Variants in UTRN observed in about 807,000 individuals in gnomAD.
UTRN encodes the protein dystrophin-related protein 1.
Under a neutral mutation model 463.9 loss-of-function variants are expected in UTRN, and 283 were observed. The ratio of observed to expected loss-of-function variants is 0.61; its 90% CI spans 0.55 to 0.67. The LOEUF (loss-of-function observed/expected upper bound fraction) is 0.67. Among genes scored for constraint, UTRN ranks in the 30% least tolerant of loss-of-function variants. The probability of loss-of-function intolerance (pLI) is 0.00; values close to 1 mark genes in which losing one functional copy is unlikely to be tolerated. For synonymous variants in UTRN, 1,442 were observed against 1,431.5 expected, an observed-to-expected ratio of 1.01 and a Z score of -0.17; for missense variants, 3,922 against 4,084.3, an observed-to-expected ratio of 0.96 and a Z score of 1.08.
intron 2 of UTRN, among the ~76,000 whole-genome samples, chr6:144,350,311 A>T (rs1289875802): frequency 6.6e-6 from 1 of 151,910 alleles, no homozygotes; most frequent in Non-Finnish European, 1.5e-5. Context: ...GAAAACTGTC[A>T]TTTCCTTCCT....
intron 71 of UTRN, among the ~76,000 whole-genome samples, chr6:144,838,382 A>T (rs979991852): frequency 2.7e-5 from 4 of 148,704 alleles, no homozygotes; most frequent in Non-Finnish European, 6.0e-5. Flanking sequence ...GGAAAATTCA[A>T]CTCTAATAGT....
At chr6:144,802,732 A>G (rs1356471196) in intron 64 of UTRN, among the ~76,000 whole-genome samples, 1 of 152,176 alleles carries the variant, frequency 6.6e-6, no homozygotes, top group Non-Finnish European at 1.5e-5. Flanking sequence ...TTGTGAGGGA[A>G]TTTTAAAATT....
At chr6:144,314,893 T>C (rs530434254) in intron 2 of UTRN, among the ~76,000 whole-genome samples, 4 of 152,302 alleles carry the variant, frequency 2.6e-5, no homozygotes, top group African/African-American at 9.6e-5. Context: ...TTACATGTAT[T>C]GCATTTGAAG....
At chr6:144,443,427 C>T (rs909111699) in intron 13 of UTRN, among the ~76,000 whole-genome samples, 2 of 152,172 alleles carry the variant, frequency 1.3e-5, no homozygotes, top group African/African-American at 4.8e-5. Context: ...CATGCTGAGA[C>T]TGGAAATCTA....
At chr6:144,342,334 T>TACAC (rs1167993528) in intron 2 of UTRN, among the ~76,000 whole-genome samples, 1 of 110,886 alleles carries the variant, frequency 9.0e-6, no homozygotes, top group East Asian at 2.3e-4. Context: ...TACTTCTGGG[T>TACAC]ACACACATAC....
chr6:144,625,403 A>T (rs1775843129), intron 51 of UTRN, among the ~76,000 whole-genome samples: 1 of 152,190 alleles, frequency 6.6e-6, no homozygotes, highest in South Asian at 2.1e-4. Context: ...ATTTGATGGG[A>T]TAATCTGTTT....
intron 2 of UTRN, among the ~76,000 whole-genome samples, chr6:144,310,692 C>T (rs746320844): frequency 5.3e-5 from 8 of 152,158 alleles, no homozygotes; most frequent in Admixed American, 3.9e-4. Flanking sequence ...GCACAAGAAT[C>T]GCTTGAACCC....
chr6:144,764,367 TGA>T, intron 58 of UTRN, among the ~76,000 whole-genome samples: 1 of 152,324 alleles, frequency 6.6e-6, no homozygotes. Context: ...ATATTGTCTT[TGA>T]GAGACATTAG....
At chr6:144,505,217 T>G (rs953489870) in intron 34 of UTRN, among the ~76,000 whole-genome samples, 2 of 152,236 alleles carry the variant, frequency 1.3e-5, no homozygotes, top group Non-Finnish European at 2.9e-5. Context: ...AACCAGCTCC[T>G]GGATTCATTG....
At chr6:144,376,990 TTCAAATC>T (rs1780519599) in intron 2 of UTRN, among the ~76,000 whole-genome samples, 3 of 152,158 alleles carry the variant, frequency 2.0e-5, no homozygotes, top group African/African-American at 7.2e-5. Context: ...GCTATAGTAT[TTCAAATC>T]TGTGACTATT....
At chr6:144,378,678 C>T (rs1242639411) in intron 2 of UTRN, among the ~76,000 whole-genome samples, 1 of 152,132 alleles carries the variant, frequency 6.6e-6, no homozygotes, top group Admixed American at 6.5e-5. Context: ...TGTTTCAAGA[C>T]AAGGCTTGGC....
intron 64 of UTRN, among the ~76,000 whole-genome samples, chr6:144,801,862 T>C (rs986644634): frequency 2.0e-5 from 3 of 152,124 alleles, no homozygotes; most frequent in Non-Finnish European, 4.4e-5. Flanking sequence ...AAGTGACTCT[T>C]CTGGATGTCA....
At chr6:144,788,506 G>T (rs1421046867) in intron 61 of UTRN, among the ~76,000 whole-genome samples, 2 of 151,352 alleles carry the variant, frequency 1.3e-5, no homozygotes, top group Non-Finnish European at 2.9e-5. Flanking sequence ...AGTGTGCGTA[G>T]CTCTAGCTGT....
intron 2 of UTRN, among the ~76,000 whole-genome samples, chr6:144,322,558 A>G (rs1415871841): frequency 6.6e-6 from 1 of 152,226 alleles, no homozygotes; most frequent in East Asian, 1.9e-4. Context: ...TGGAAATTAA[A>G]GACACTTTGA....
At chr6:144,556,455 T>C (rs1268961437) in intron 49 of UTRN, among the ~76,000 whole-genome samples, 1 of 152,234 alleles carries the variant, frequency 6.6e-6, no homozygotes, top group African/African-American at 2.4e-5. Context: ...ACATTATTTT[T>C]TAATCAGCAG....
chr6:144,466,015 C>A (rs527738793), intron 23 of UTRN, among the ~76,000 whole-genome samples: 83 of 152,128 alleles, frequency 5.5e-4, no homozygotes, highest in Non-Finnish European at 8.4e-4. Context: ...CCTTTTCTTC[C>A]CCAATACCAT....
intron 53 of UTRN, among the ~76,000 whole-genome samples, chr6:144,718,081 C>G (rs1286330866): frequency 6.6e-6 from 1 of 152,174 alleles, no homozygotes; most frequent in African/African-American, 2.4e-5. Context: ...TGGCTAGAAC[C>G]TTCCTCTACA....
At chr6:144,302,568 A>G (rs1410385869) in intron 2 of UTRN, among the ~76,000 whole-genome samples, 1 of 152,116 alleles carries the variant, frequency 6.6e-6, no homozygotes, top group Non-Finnish European at 1.5e-5. Flanking sequence ...GCTTACATAC[A>G]TACCTCATTC....
At chr6:144,845,883 C>T (rs1200371751) in intron 73 of UTRN, among the ~76,000 whole-genome samples, 1 of 151,982 alleles carries the variant, frequency 6.6e-6, no homozygotes, top group Non-Finnish European at 1.5e-5. Flanking sequence ...CTCTTTTTTT[C>T]TCACATAGCT....
Sources: allele counts gnomAD v4.1 joint callset (sites outside exome capture counted in the v4.1 genomes callset), GRCh38; gene constraint gnomAD v4.1.1; transcripts MANE v1.5; gene names NCBI Gene and HGNC (gene_info 2026-07-23, HGNC 2026-07-21).